The following NAB1 variants were observed in gnomAD, a reference collection of about 807,000 sequenced individuals.
NAB1 encodes the protein NGFI-A binding protein 1.
A neutral mutation model predicts 49.9 loss-of-function variants in NAB1; 25 were observed. The observed-to-expected ratio is 0.50, with a 90% CI of 0.37 to 0.70. NAB1 has a LOEUF of 0.70. Ranked by LOEUF, NAB1 falls within the 30% of genes least tolerant of loss-of-function variation. The pLI, the probability that NAB1 is intolerant of heterozygous loss-of-function variation, is 0.00. For synonymous variants in NAB1, 198 were observed against 215.6 expected (o/e 0.92, Z 0.71); for missense variants, 489 against 575.9 (o/e 0.85, Z 1.54).
In NAB1 at chr2:190,687,306, C is replaced by G. The variant is rs1559255320; in HGVS notation, c.1364C>G (p.Ser455Cys). ...LSRLYPSEAK[S>C]HSSESLGILK... ...AGACTTTACCCCAGTGAGGCAAAGT[C>G]CCACTCATCAGGTGAGAACGTGCTA... is the stretch of plus-strand genomic sequence containing the variant. Residue 455 changes from serine (S) to cysteine (C), a missense_variant, in exon 9 of 10, where the codon TCC becomes TGC. By Grantham distance (112) the Ser-to-Cys change is moderately radical. Around this residue, in one of 4 missense-constraint regions of NAB1, gnomAD observed 212 missense variants for 199.3 expected, o/e 1.06. Coordinates refer to ENST00000337386, the MANE Select transcript of NAB1 (RefSeq NM_005966.4). 6.3e-7 allele frequency: 1 copy of G among 1,583,150 alleles called. No homozygotes were observed. The highest frequency in any genetic ancestry group is 8.6e-7 in the Non-Finnish European group (1 of 1,166,248).
chr2:190,670,595 A>C lies in NAB1; in HGVS notation c.953+136A>C. The C allele has an allele frequency of 1.0e-6, 1 of 967,988 alleles. No individual in the cohort carries two copies. The highest frequency in any genetic ancestry group is 2.7e-5 in the East Asian group (1 of 37,372). The allele number at this position is 967,988 out of a possible 1,614,324, so 60.0% of individuals were successfully genotyped here. On this transcript the variant is annotated intron_variant, in intron 5 of 9. Coordinates refer to ENST00000337386, the MANE Select transcript of NAB1 (RefSeq NM_005966.4). This position sits in a 1 kb window ranked among gnomAD's most constrained non-coding sequence, Gnocchi z 5.3. Reference sequence around the variant, plus strand: ...ATTGTTCTATGAAACTAAACAATGCAGTGATTTTGAAAACATTGCCAAGGT... The same window carrying C: ...ATTGTTCTATGAAACTAAACAATGCCGTGATTTTGAAAACATTGCCAAGGT...
At position 190,685,596 on chromosome 2, in the gene NAB1, C is replaced by T; in HGVS notation, c.1216C>T (p.His406Tyr). The change falls in exon 8 of 10, where the codon CAC (histidine) becomes TAC (tyrosine). Residue 406 changes from histidine (H) to tyrosine (Y), a missense_variant. Transcript: ENST00000337386. This position sits in a 1 kb window ranked among gnomAD's most constrained non-coding sequence, Gnocchi z 4.5. Reference sequence around the variant, plus strand: ...GCTTTACAGGCAGAGCTCAGAAGAGCACAGTCCTAACGGCTTGACTTCCGA... The same window carrying T: ...GCTTTACAGGCAGAGCTCAGAAGAGTACAGTCCTAACGGCTTGACTTCCGA... ...AGLYRQSSEE[H>Y]SPNGLTSDNS... 6.2e-7 allele frequency: 1 copy of T among 1,613,792 alleles called. No homozygotes were observed. The highest frequency in any genetic ancestry group is 8.5e-7 in the Non-Finnish European group (1 of 1,179,908).
rs1695628094 is a variant in NAB1 at position 190,686,768 on chromosome 2, T to C, written c.1259-433T>C. ...TTTTCCCATATTTGTGCTAAATCTG[T>C]TTTTTCACGGATTTTGCTGTAGTTT... On this transcript the variant is annotated intron_variant, in intron 8 of 9. Transcript: ENST00000337386. The surrounding 1 kb of genome is among the most constrained non-coding windows in gnomAD (Gnocchi z 5.5). 6.6e-6 allele frequency among the ~76,000 whole-genome samples: 1 copy of C among 152,088 alleles called. No individual in the cohort carries two copies. Among genetic ancestry groups the C allele is most frequent in the Non-Finnish European group, 1.5e-5 (1 of 68,016 alleles).
intron 3 of NAB1, among the ~76,000 whole-genome samples, chr2:190,658,297 C>G (rs1694033563): frequency 2.0e-5 from 3 of 152,122 alleles, no homozygotes; most frequent in South Asian, 4.1e-4. Flanking sequence ...TCTACATAAG[C>G]CTTCTACCCT....
rs1342077156 is a variant in NAB1, at chr2:190,678,685, T to A, written c.1006-5053T>A. Among the ~76,000 whole-genome samples, 1 of 112,468 alleles carries A rather than the reference T, an allele frequency of 8.9e-6. No homozygotes were observed. The highest frequency in any genetic ancestry group is 3.5e-5 in the African/African-American group (1 of 28,618). 73.8% of individuals were successfully genotyped at this position (112,468 alleles called of 152,430 possible). On this transcript the variant is annotated intron_variant, in intron 6 of 9. Transcript: ENST00000337386. This position sits in a 1 kb window ranked among gnomAD's most constrained non-coding sequence, Gnocchi z 4.9. ...GCTAGCAGTTCCAGCAAGGTGGGGG[T>A]GGGAGAGCAAGGAAGGGGGAGGAAA...
Position 190,654,472 on chromosome 2 carries a change from G to A in NAB1, c.-196-1505G>A, listed in dbSNP as rs541070933. 6.6e-6 allele frequency among the ~76,000 whole-genome samples: 1 copy of A among 152,280 alleles called. No individual in the cohort carries two copies. Among genetic ancestry groups the A allele is most frequent in the Non-Finnish European group, 1.5e-5 (1 of 68,018 alleles). On this transcript the variant is annotated intron_variant, in intron 2 of 9. Transcript: ENST00000337386. This position sits in a 1 kb window ranked among gnomAD's most constrained non-coding sequence, Gnocchi z 5.6. Reference sequence around the variant, plus strand: ...TAGTGGGAAAGACATTTTGGGAAAGGCTGTGAAGGTTGGAGGGAGAGAGGA... The same window carrying A: ...TAGTGGGAAAGACATTTTGGGAAAGACTGTGAAGGTTGGAGGGAGAGAGGA...
chr2:190,668,938 A>G (rs1289473881), intron 4 of NAB1, among the ~76,000 whole-genome samples: 12 of 152,250 alleles, frequency 7.9e-5, no homozygotes, highest in African/African-American at 1.4e-4. Flanking sequence ...GATTAACAAC[A>G]ATAACTATTA....
chr2:190,662,703 G>C (rs1229102146), intron 4 of NAB1, among the ~76,000 whole-genome samples: 1 of 152,188 alleles, frequency 6.6e-6, no homozygotes. Context: ...AGGCAATAGA[G>C]AATGTAGAAA....
In NAB1 at chr2:190,676,352, G is replaced by C. The variant is rs1695070139; in HGVS notation, c.1005+3200G>C. ...CATAAATAAAACTAGAAAGAATTTA[G>C]AATTCTTTTAACATACTTTTTCTCT... On this transcript the variant is annotated intron_variant, in intron 6 of 9. Coordinates refer to ENST00000337386, the MANE Select transcript of NAB1 (RefSeq NM_005966.4). The surrounding 1 kb of genome is among the most constrained non-coding windows in gnomAD (Gnocchi z 4.6). Among the ~76,000 whole-genome samples, 1 of 152,186 alleles carries C rather than the reference G, an allele frequency of 6.6e-6. No homozygotes were observed. Among genetic ancestry groups the C allele is most frequent in the South Asian group, 2.1e-4 (1 of 4,826 alleles).
rs369860117 is a variant in NAB1 at position 190,659,136 on chromosome 2, CTTTTTTT to C, written c.-19-12_-19-6del. 13 of 1,190,632 alleles carry C rather than the reference CTTTTTTT, an allele frequency of 1.1e-5. No individual in the cohort carries two copies. In the African/African-American group the frequency reaches 1.8e-4, roughly 16 times the overall value. 73.8% of individuals were successfully genotyped at this position (1,190,632 alleles called of 1,614,324 possible). On this transcript the variant is annotated splice_polypyrimidine_tract_variant and intron_variant, in intron 3 of 9. Transcript: ENST00000337386. The surrounding 1 kb of genome is among the most constrained non-coding windows in gnomAD (Gnocchi z 6.2). ...TTGAAGCAAGTATGATGAGTTTTTA[CTTTTTTT>C]TTTTTTTTTGGCAGGTTAAACCCAT...
In NAB1 at chr2:190,657,913, G is replaced by C. The variant is rs1694012210; in HGVS notation, c.-19-1245G>C. Among the ~76,000 whole-genome samples the C allele has an allele frequency of 6.6e-6, 1 of 152,194 alleles. No homozygotes were observed. Among genetic ancestry groups the C allele is most frequent in the Non-Finnish European group, 1.5e-5 (1 of 68,024 alleles). ...GATGCACATATTCTTTTAGCCTTCT[G>C]TTATTTTCTCCATAGAGGGCTACAG... On this transcript the variant is annotated intron_variant, in intron 3 of 9. Transcript: ENST00000337386. This position sits in a 1 kb window ranked among gnomAD's most constrained non-coding sequence, Gnocchi z 4.4.
At position 190,684,324 on chromosome 2, in the gene NAB1, T is replaced by G. The variant is rs1695501343; in HGVS notation, c.1095+497T>G. ...TTTGTCTGTATACTGAAATTAAAATTTTAAAATGCTTTCTGCAAACATCAT... is the reference window on the plus strand; with the variant it reads ...TTTGTCTGTATACTGAAATTAAAATGTTAAAATGCTTTCTGCAAACATCAT... On this transcript the variant is annotated intron_variant, in intron 7 of 9. Transcript: ENST00000337386. This position sits in a 1 kb window ranked among gnomAD's most constrained non-coding sequence, Gnocchi z 4.6. 2.0e-5 allele frequency among the ~76,000 whole-genome samples: 3 copies of G among 152,208 alleles called. No individual in the cohort carries two copies. In the South Asian group the frequency reaches 6.2e-4, roughly 31 times the overall value.
rs1431972922 is a variant in NAB1, at chr2:190,649,392, G to A, written c.-334+32G>A. On this transcript the variant is annotated intron_variant, in intron 1 of 9. Transcript: ENST00000337386. This position sits in a 1 kb window ranked among gnomAD's most constrained non-coding sequence, Gnocchi z 6.1. ...ACCGGAGCGGACGGTCGCCACTCCCGGTCCGCCAAGTGCGGGACACTTTCG... is the reference window on the plus strand; with the variant it reads ...ACCGGAGCGGACGGTCGCCACTCCCAGTCCGCCAAGTGCGGGACACTTTCG... The A allele has an allele frequency of 6.6e-6, 1 of 152,208 alleles. No individual in the cohort carries two copies. The highest frequency in any genetic ancestry group is 2.4e-5 in the African/African-American group (1 of 41,436). The allele number at this position is 152,208 out of a possible 1,614,324, so 9.4% of individuals were successfully genotyped here.
Position 190,682,276 on chromosome 2 carries a change from T to A in NAB1, c.1006-1462T>A, listed in dbSNP as rs1180222733. 6.6e-6 allele frequency among the ~76,000 whole-genome samples: 1 copy of A among 152,236 alleles called. No homozygotes were observed. Among genetic ancestry groups the A allele is most frequent in the African/African-American group, 2.4e-5 (1 of 41,452 alleles). On this transcript the variant is annotated intron_variant, in intron 6 of 9. Coordinates refer to ENST00000337386, the MANE Select transcript of NAB1 (RefSeq NM_005966.4). This position sits in a 1 kb window ranked among gnomAD's most constrained non-coding sequence, Gnocchi z 4.1. ...CATTATCTCACTTGCTTTATCTCAT[T>A]TGGTCCTCACAACAATCCTAATAGA...
intron 9 of NAB1, among the ~76,000 whole-genome samples, chr2:190,688,185 A>G (rs1250078517): frequency 6.6e-6 from 1 of 152,242 alleles, no homozygotes; most frequent in Non-Finnish European, 1.5e-5. Context: ...TGAGGTAGCT[A>G]AAGCCAAATA....
chr2:190,681,149 ACT>A (rs1462684694), intron 6 of NAB1, among the ~76,000 whole-genome samples: 6 of 152,174 alleles, frequency 3.9e-5, no homozygotes, highest in Non-Finnish European at 8.8e-5. Context: ...AAAGGTAGTA[ACT>A]CTGAATTTAT....
chr2:190,659,570 G>A lies in NAB1; in HGVS notation c.394G>A (p.Ala132Thr). The A allele has an allele frequency of 3.1e-6, 5 of 1,614,230 alleles. No individual in the cohort carries two copies. Among genetic ancestry groups the A allele is most frequent in the Non-Finnish European group, 4.2e-6 (5 of 1,180,036 alleles). The change falls in exon 4 of 10, where the codon GCC (alanine) becomes ACC (threonine). Residue 132 changes from alanine (A) to threonine (T), a missense_variant. Coordinates refer to ENST00000337386, the MANE Select transcript of NAB1 (RefSeq NM_005966.4). The surrounding 1 kb of genome is among the most constrained non-coding windows in gnomAD (Gnocchi z 6.2). The stretch of plus-strand genomic sequence containing the variant: ...TCATTTAAAAATCCCCAAATGTGCT[G>A]CCACCACCTGTGTGCAGAGCTTGGG... Reference protein sequence around the residue: ...EPHLKIPKCAATTCVQSLGQG... With the variant: ...EPHLKIPKCATTTCVQSLGQG...
intron 6 of NAB1, among the ~76,000 whole-genome samples, chr2:190,681,892 G>T (rs1020308530): frequency 6.6e-6 from 1 of 152,080 alleles, no homozygotes; most frequent in Admixed American, 6.6e-5. Context: ...GCTGTGTATT[G>T]TAAGAACTTT....
At position 190,676,196 on chromosome 2, in the gene NAB1, C is replaced by T. The variant is rs1186574452; in HGVS notation, c.1005+3044C>T. Among the ~76,000 whole-genome samples, 2 of 151,628 alleles carry T rather than the reference C, an allele frequency of 1.3e-5. No homozygotes were observed. Among genetic ancestry groups the T allele is most frequent in the Admixed American group, 6.6e-5 (1 of 15,220 alleles). ...AGAAGGGTAGAATTTCAAAAGGTAG[C>T]GATGTGGGGAGGGGATTGGGGTGGC... On this transcript the variant is annotated intron_variant, in intron 6 of 9. Coordinates refer to ENST00000337386, the MANE Select transcript of NAB1 (RefSeq NM_005966.4). The surrounding 1 kb of genome is among the most constrained non-coding windows in gnomAD (Gnocchi z 4.6).
Sources: allele counts gnomAD v4.1 joint callset (sites outside exome capture counted in the v4.1 genomes callset), GRCh38; gene constraint gnomAD v4.1.1; regional missense constraint gnomAD v4.1.1; non-coding constraint Gnocchi (gnomAD v3.1); transcripts MANE v1.5; gene names NCBI Gene and HGNC (gene_info 2026-07-23, HGNC 2026-07-21).